The following UNC5B variants were observed in gnomAD, a reference collection of about 807,000 sequenced individuals.
UNC5B encodes unc-5 netrin receptor B.
Under a neutral mutation model 103.7 loss-of-function variants are expected in UNC5B, and 56 were observed. The ratio of observed to expected loss-of-function variants is 0.54; its 90% CI spans 0.44 to 0.67. The LOEUF (loss-of-function observed/expected upper bound fraction) is 0.67. UNC5B is among the 30% of genes least tolerant of loss of function. The pLI, the probability that UNC5B is intolerant of heterozygous loss-of-function variation, is 0.00. For synonymous variants in UNC5B, 577 were observed against 542.0 expected, an observed-to-expected ratio of 1.06 and a Z score of -0.90; for missense variants, 1,194 against 1,284.5, an observed-to-expected ratio of 0.93 and a Z score of 1.08.
chr10:71,276,631 A>G (rs1844777973), intron 1 of UNC5B, among the ~76,000 whole-genome samples: 1 of 152,210 alleles, frequency 6.6e-6, no homozygotes. Flanking sequence ...ATGGGGTTCC[A>G]CCGCGATGGC....
At chr10:71,267,854 CT>C (rs749408557) in intron 1 of UNC5B, among the ~76,000 whole-genome samples, 1 of 152,242 alleles carries the variant, frequency 6.6e-6, no homozygotes. Context: ...TTTCCCAGCA[CT>C]GGGACCAGAG....
At position 71,279,953 on chromosome 10, in the gene UNC5B, C is replaced by T; in HGVS notation, c.212C>T (p.Ala71Val). 3.7e-6 allele frequency: 6 copies of T among 1,614,072 alleles called. No homozygotes were observed. Among genetic ancestry groups the T allele is most frequent in the South Asian group, 1.1e-5 (1 of 91,090 alleles). Residue 71 changes from alanine (A) to valine (V), a missense_variant, in exon 2 of 17, where the codon GCC (alanine) becomes GTC (valine). Ala to Val is a moderately conservative substitution (Grantham distance 64). Coordinates refer to ENST00000335350, the MANE Select transcript of UNC5B (RefSeq NM_170744.5). ...AAGCCTGTGGAGCTCCGCTGCCGCGCCTTCCCCGCCACACAGATCTACTTC... is the reference window on the plus strand; with the variant it reads ...AAGCCTGTGGAGCTCCGCTGCCGCGTCTTCCCCGCCACACAGATCTACTTC... ...KNKPVELRCRAFPATQIYFKC... is the reference protein window; with the variant it reads ...KNKPVELRCRVFPATQIYFKC...
chr10:71,238,935 T>G (rs1032310943), intron 1 of UNC5B, among the ~76,000 whole-genome samples: 1 of 152,132 alleles, frequency 6.6e-6, no homozygotes, highest in Non-Finnish European at 1.5e-5. Context: ...TGCACCATCA[T>G]GCCTGGCTAA....
At chr10:71,283,982 A>G (rs1241095333) in intron 2 of UNC5B, among the ~76,000 whole-genome samples, 1 of 152,200 alleles carries the variant, frequency 6.6e-6, no homozygotes, top group African/African-American at 2.4e-5. Context: ...ACAAAGCCCC[A>G]TCTTGTTCTC....
chr10:71,242,323 G>C (rs995812470), intron 1 of UNC5B, among the ~76,000 whole-genome samples: 6 of 152,210 alleles, frequency 3.9e-5, no homozygotes, highest in Non-Finnish European at 7.3e-5. Context: ...AAAACGACAT[G>C]GCCAGAAAGT....
chr10:71,220,736 G>A (rs1181062495), intron 1 of UNC5B, among the ~76,000 whole-genome samples: 1 of 152,192 alleles, frequency 6.6e-6, no homozygotes, highest in Non-Finnish European at 1.5e-5. Context: ...ATCACTCAGG[G>A]CCTGTTGGCA....
intron 1 of UNC5B, among the ~76,000 whole-genome samples, chr10:71,256,958 C>T (rs1361562879): frequency 6.6e-6 from 1 of 152,124 alleles, no homozygotes; most frequent in African/African-American, 2.4e-5. Flanking sequence ...AGGGTGAGCA[C>T]AGAGCAGGGA....
intron 1 of UNC5B, among the ~76,000 whole-genome samples, chr10:71,235,183 T>C (rs1228320462): frequency 5.3e-5 from 8 of 152,140 alleles, no homozygotes; most frequent in Non-Finnish European, 2.9e-5. Flanking sequence ...TTTTCCTCCT[T>C]CTTTCCAAAT....
intron 1 of UNC5B, among the ~76,000 whole-genome samples, chr10:71,252,079 C>T (rs1307620296): frequency 6.6e-6 from 1 of 152,178 alleles, no homozygotes; most frequent in Non-Finnish European, 1.5e-5. Flanking sequence ...TCCCAAATGC[C>T]TGTGCTTTAA....
At chr10:71,259,571 G>A (rs1490017373) in intron 1 of UNC5B, among the ~76,000 whole-genome samples, 3 of 152,212 alleles carry the variant, frequency 2.0e-5, no homozygotes, top group Non-Finnish European at 4.4e-5. Context: ...CAGTTAGACT[G>A]TGGGGAGGAC....
chr10:71,279,488 C>T (rs1270464785), intron 1 of UNC5B, among the ~76,000 whole-genome samples: 2 of 152,154 alleles, frequency 1.3e-5, no homozygotes, highest in African/African-American at 4.8e-5. Flanking sequence ...TGTGGGGGGG[C>T]CCAAGGGGTG....
chr10:71,249,050 A>G (rs116797029), intron 1 of UNC5B, among the ~76,000 whole-genome samples: 30 of 152,298 alleles, frequency 2.0e-4, no homozygotes, highest in African/African-American at 6.3e-4. Flanking sequence ...CAAAGAGGCT[A>G]CTGGGCCCCA....
chr10:71,272,706 G>A (rs76008862), intron 1 of UNC5B, among the ~76,000 whole-genome samples: 7 of 152,168 alleles, frequency 4.6e-5, no homozygotes, highest in East Asian at 3.9e-4. Flanking sequence ...CCGGTAGAAC[G>A]CGGGGCTCCA....
intron 13 of UNC5B, among the ~76,000 whole-genome samples, chr10:71,295,559 C>G (rs1589205785): frequency 6.6e-6 from 1 of 152,224 alleles, no homozygotes; most frequent in Admixed American, 6.5e-5. Context: ...GTTTATCCAT[C>G]CATCTGTCCA....
At chr10:71,298,820 A>G (rs772146883) in intron 16 of UNC5B, among the ~76,000 whole-genome samples, 1 of 152,118 alleles carries the variant, frequency 6.6e-6, no homozygotes, top group Non-Finnish European at 1.5e-5. Context: ...GATGAACAAG[A>G]TGGTTACATG....
At chr10:71,280,392 G>A (rs766694697) in intron 2 of UNC5B, among the ~76,000 whole-genome samples, 3 of 152,154 alleles carry the variant, frequency 2.0e-5, no homozygotes, top group Non-Finnish European at 2.9e-5. Context: ...CCACGGCACC[G>A]ACCCAGAATT....
chr10:71,291,641 C>G lies in UNC5B; in HGVS notation c.1504C>G (p.Leu502Val), dbSNP rs1845262269. 6.2e-7 allele frequency: 1 copy of G among 1,613,968 alleles called. No homozygotes were observed. Among genetic ancestry groups the G allele is most frequent in the East Asian group, 2.2e-5 (1 of 44,884 alleles). The change falls in exon 10 of 17, where the codon CTG becomes GTG. Residue 502 changes from leucine to valine, a missense_variant. By Grantham distance (32) the Leu-to-Val change is conservative. Transcript: ENST00000335350. ...SGPGLADGAD[L>V]LGVLPPGTYP... ...GCCAGGCCTGGCAGATGGGGCTGACCTGCTGGGGGTCTTGCCGCCTGGCAC... is the reference window on the plus strand; with the variant it reads ...GCCAGGCCTGGCAGATGGGGCTGACGTGCTGGGGGTCTTGCCGCCTGGCAC...
intron 1 of UNC5B, among the ~76,000 whole-genome samples, chr10:71,253,372 G>A (rs1270171929): frequency 1.3e-5 from 2 of 152,184 alleles, no homozygotes; most frequent in Admixed American, 1.3e-4. Flanking sequence ...CCCTTCCCCC[G>A]ACACCATGCC....
chr10:71,289,936 C>G (rs1346343472), intron 8 of UNC5B, among the ~76,000 whole-genome samples: 3 of 152,204 alleles, frequency 2.0e-5, no homozygotes, highest in Non-Finnish European at 4.4e-5. Context: ...GCAGAGGAAG[C>G]AGGGCTACTT....
Sources: gnomAD v4.1 joint callset for allele counts (sites outside exome capture counted in the v4.1 genomes callset) on GRCh38, gnomAD v4.1.1 for gene constraint, MANE v1.5 for transcripts, NCBI Gene and HGNC (gene_info 2026-07-23, HGNC 2026-07-21) for gene names.